The following LRRK1 variants were observed in gnomAD, a reference collection of about 807,000 sequenced individuals.
LRRK1 encodes leucine-rich repeat serine/threonine-protein kinase 1.
In LRRK1, 113 loss-of-function variants were observed where a neutral mutation model predicts 209.1. The ratio of observed to expected loss-of-function variants is 0.54; its 90% CI spans 0.46 to 0.63. The LOEUF (loss-of-function observed/expected upper bound fraction) is 0.63. LRRK1 is among the 30% of genes least tolerant of loss of function. LRRK1 has a pLI of 0.00. For synonymous variants in LRRK1, 1,144 were observed against 1,099.7 expected, an observed-to-expected ratio of 1.04 and a Z score of -0.80; for missense variants, 2,284 against 2,632.2, an observed-to-expected ratio of 0.87 and a Z score of 2.89.
chr15:101,029,836 C>G (rs1482274080), intron 20 of LRRK1, among the ~76,000 whole-genome samples: 1 of 152,158 alleles, frequency 6.6e-6, no homozygotes, highest in Non-Finnish European at 1.5e-5. Context: ...GCTCTGCACT[C>G]CAGCCTTGGC....
chr15:101,004,538 G>C (rs533609242), intron 6 of LRRK1, among the ~76,000 whole-genome samples: 14 of 152,204 alleles, frequency 9.2e-5, no homozygotes, highest in Non-Finnish European at 2.1e-4. Context: ...TCTGCACTGT[G>C]GGGTGTGCAG....
chr15:101,065,954 C>T lies in LRRK1; in HGVS notation c.5517C>T (p.Cys1839=). ...ACCAGGAATCACTCACTGACTACTG[C>T]TCCATGTCCTCCTACTCCTCATCCC... ...LIHQESLTDY[C]SMSSYSSSPP... Residue 1839 remains cysteine, a synonymous_variant, in exon 32 of 34, where the codon TGC becomes TGT. Transcript: ENST00000388948. 1 of 1,614,200 alleles carries T rather than the reference C, an allele frequency of 6.2e-7. No individual in the cohort carries two copies. The highest frequency in any genetic ancestry group is 8.5e-7 in the Non-Finnish European group (1 of 1,180,046).
At chr15:100,964,727 C>A (rs1350761973) in intron 2 of LRRK1, among the ~76,000 whole-genome samples, 1 of 152,180 alleles carries the variant, frequency 6.6e-6, no homozygotes, top group Admixed American at 6.5e-5. Context: ...TTCAGATTGA[C>A]CAAAAACATT....
In LRRK1 at chr15:101,073,130, TC is replaced by T. The variant is rs2036863745; in HGVS notation, c.*4285del. 6.4e-6 allele frequency: 1 copy of T among 155,486 alleles called. No homozygotes were observed. Among genetic ancestry groups the T allele is most frequent in the Admixed American group, 6.5e-5 (1 of 15,350 alleles). 9.6% of individuals were successfully genotyped at this position (155,486 alleles called of 1,614,324 possible). A position where few individuals can be genotyped will look rare whatever the true frequency, so the allele number is the denominator to read the frequency against. The stretch of plus-strand genomic sequence containing the variant: ...CTCTCTTCTCCAACCTCCCTCACTA[TC>T]CCTCAACCTCTTTCTCCTTTCAATC... On this transcript the variant is annotated 3_prime_UTR_variant, in exon 34 of 34. Transcript: ENST00000388948.
At chr15:100,950,919 C>A (rs181050200) in intron 2 of LRRK1, among the ~76,000 whole-genome samples, 10 of 152,046 alleles carry the variant, frequency 6.6e-5, no homozygotes, top group Non-Finnish European at 1.2e-4. Flanking sequence ...CTGGCTAACA[C>A]GGTGAAACGC....
chr15:101,075,956 A>C lies in LRRK1; in HGVS notation c.*7108A>C, dbSNP rs1307362604. The stretch of plus-strand genomic sequence containing the variant: ...TCAGTCAAGCCCAAATTTTTTCCCT[A>C]TCTGTTACCTATCTCAGCATAATTC... On this transcript the variant is annotated 3_prime_UTR_variant, in exon 34 of 34. Transcript: ENST00000388948. 1 of 152,126 alleles carries C rather than the reference A, an allele frequency of 6.6e-6. No individual in the cohort carries two copies. The highest frequency in any genetic ancestry group is 1.9e-4 in the East Asian group (1 of 5,192). The allele number at this position is 152,126 out of a possible 1,614,324, so 9.4% of individuals were successfully genotyped here.
chr15:100,999,459 C>T (rs544189102), intron 6 of LRRK1, among the ~76,000 whole-genome samples: 48 of 152,300 alleles, frequency 3.2e-4, no homozygotes, highest in African/African-American at 1.1e-3. Flanking sequence ...TCAGACCCTA[C>T]CTGGCCAGAG....
At chr15:100,990,754 A>G (rs1025198522) in intron 6 of LRRK1, among the ~76,000 whole-genome samples, 5 of 146,156 alleles carry the variant, frequency 3.4e-5, no homozygotes, top group Non-Finnish European at 7.5e-5. Context: ...GATTTTTAAG[A>G]CTTTATCATA....
chr15:100,949,199 G>A (rs567966925), intron 2 of LRRK1, among the ~76,000 whole-genome samples: 22 of 151,936 alleles, frequency 1.4e-4, no homozygotes, highest in Admixed American at 2.6e-4. Flanking sequence ...GAGGAACATC[G>A]CTGGCAACCT....
rs911212799 is a variant in LRRK1, at chr15:100,977,398, C to A, written c.261+3431C>A. On this transcript the variant is annotated intron_variant, in intron 3 of 33. Transcript: ENST00000388948. ...ACCCTTGCCAGGCTGTAACAGGCAC[C>A]CCAATCATCCCCACCCCACGGTGTC... 3.5e-4 allele frequency among the ~76,000 whole-genome samples: 53 copies of A among 152,126 alleles called. 1 individual carries two copies. The highest frequency in any genetic ancestry group is 1.2e-3 in the African/African-American group (50 of 41,418).
At chr15:101,030,742 T>C (rs891539624) in intron 20 of LRRK1, among the ~76,000 whole-genome samples, 1 of 152,210 alleles carries the variant, frequency 6.6e-6, no homozygotes, top group Non-Finnish European at 1.5e-5. Flanking sequence ...CCATACCTGC[T>C]TCTGTTTTTG....
chr15:101,059,440 G>A (rs569415121), intron 29 of LRRK1, among the ~76,000 whole-genome samples: 330 of 148,112 alleles, frequency 2.2e-3, no homozygotes, highest in African/African-American at 7.7e-3. Context: ...GATGGAGCAC[G>A]CCTTCCTGAT....
chr15:100,973,051 G>A (rs2031027180), intron 2 of LRRK1, among the ~76,000 whole-genome samples: 1 of 152,206 alleles, frequency 6.6e-6, no homozygotes, highest in Non-Finnish European at 1.5e-5. Flanking sequence ...CGGGGAGGGC[G>A]AGAGGCCGCC....
At chr15:100,921,879 A>G (rs1458770611) in intron 1 of LRRK1, among the ~76,000 whole-genome samples, 1 of 152,078 alleles carries the variant, frequency 6.6e-6, no homozygotes. Context: ...CAGCATGCCC[A>G]GCTAATTTTT....
chr15:101,027,516 A>T lies in LRRK1; in HGVS notation c.2527-122A>T, dbSNP rs2034089311. ...TGGTTCCTGGTGAGGGAGGGTCAGG[A>T]TGGAAGATAGTGGGTGGAAACGTCC... On this transcript the variant is annotated intron_variant, in intron 18 of 33. Transcript: ENST00000388948. This position sits in a 1 kb window ranked among gnomAD's most constrained non-coding sequence, Gnocchi z 5.1. 4 of 1,502,222 alleles carry T rather than the reference A, an allele frequency of 2.7e-6. No homozygotes were observed. Among genetic ancestry groups the T allele is most frequent in the Non-Finnish European group, 3.6e-6 (4 of 1,114,904 alleles). The allele number at this position is 1,502,222 out of a possible 1,614,324, so 93.1% of individuals were successfully genotyped here. A position where few individuals can be genotyped will look rare whatever the true frequency, so the allele number is the denominator to read the frequency against.
At chr15:101,008,043 T>C (rs2033044243) in intron 6 of LRRK1, among the ~76,000 whole-genome samples, 3 of 145,916 alleles carry the variant, frequency 2.1e-5, no homozygotes, top group African/African-American at 5.1e-5. Flanking sequence ...CTGAGGAGGC[T>C]GAGGCAGGAG....
intron 31 of LRRK1, among the ~76,000 whole-genome samples, 173 bp downstream of exon 31, chr15:101,062,863 T>A (rs553790247): frequency 2.0e-5 from 3 of 152,308 alleles, no homozygotes; most frequent in South Asian, 2.1e-4. Flanking sequence ...CCGTCATTAG[T>A]GCCTTCCGGT....
chr15:100,995,609 C>T (rs1183297049), intron 6 of LRRK1, among the ~76,000 whole-genome samples: 2 of 152,164 alleles, frequency 1.3e-5, no homozygotes, highest in Non-Finnish European at 2.9e-5. Context: ...CAATGTTTAG[C>T]TGCGTTGCCA....
rs1227748342 is a variant in LRRK1 at position 101,053,104 on chromosome 15, G to A, written c.3856+16G>A. ...GTACCGGCAGGTAAGCGGGTCCCAG[G>A]TTGGTGCTGTTTTTCTCAGACATAT... On this transcript the variant is annotated intron_variant, in intron 25 of 33. Transcript: ENST00000388948. The A allele has an allele frequency of 1.9e-6, 3 of 1,598,992 alleles. No homozygotes were observed. The highest frequency in any genetic ancestry group is 3.3e-5 in the Admixed American group (2 of 59,774).
Sources: gnomAD v4.1 joint callset for allele counts (sites outside exome capture counted in the v4.1 genomes callset) on GRCh38, gnomAD v4.1.1 for gene constraint, Gnocchi (gnomAD v3.1) non-coding constraint, MANE v1.5 for transcripts, NCBI Gene and HGNC (gene_info 2026-07-23, HGNC 2026-07-21) for gene names.